The following EDIL3 variants were observed in gnomAD, a reference collection of about 807,000 sequenced individuals.
EDIL3 encodes EGF like and discoidin domains 3.
A neutral mutation model predicts 67.4 loss-of-function variants in EDIL3; 37 were observed. The ratio of observed to expected loss-of-function variants is 0.55; its 90% CI spans 0.42 to 0.72. The LOEUF is 0.72. EDIL3 is among the 30% of genes least tolerant of loss of function. The pLI, the probability that EDIL3 is intolerant of heterozygous loss-of-function variation, is 0.00. For missense variants in EDIL3, 527 were observed against 586.3 expected, an observed-to-expected ratio of 0.90 and a Z score of 1.04; for synonymous variants, 195 against 196.3, an observed-to-expected ratio of 0.99 and a Z score of 0.05.
intron 4 of EDIL3, among the ~76,000 whole-genome samples, chr5:84,160,591 A>C (rs943422044): frequency 6.6e-6 from 1 of 152,064 alleles, no homozygotes; most frequent in African/African-American, 2.4e-5. Flanking sequence ...CTGCACGTGA[A>C]GCAGTTTTTA....
At chr5:84,300,497 A>T (rs1040678412) in intron 1 of EDIL3, among the ~76,000 whole-genome samples, 1 of 152,220 alleles carries the variant, frequency 6.6e-6, no homozygotes, top group African/African-American at 2.4e-5. Context: ...TGCCTACCAC[A>T]TCTACTATCA....
chr5:84,326,824 T>C (rs933045475), intron 1 of EDIL3, among the ~76,000 whole-genome samples: 8 of 151,966 alleles, frequency 5.3e-5, no homozygotes, highest in African/African-American at 1.9e-4. Flanking sequence ...CATTCTCTCT[T>C]TGAGAAAATA....
chr5:84,074,585 G>C (rs374956791), intron 6 of EDIL3, among the ~76,000 whole-genome samples: 1 of 151,726 alleles, frequency 6.6e-6, no homozygotes. Context: ...GCAGCCAAAA[G>C]ACACATGAAA....
intron 9 of EDIL3, among the ~76,000 whole-genome samples, chr5:84,038,518 G>C (rs998811043): frequency 1.3e-5 from 2 of 152,218 alleles, no homozygotes; most frequent in African/African-American, 4.8e-5. Flanking sequence ...GTGGCCAGCA[G>C]ATGCCTGACT....
At chr5:84,348,614 G>T (rs1223213808) in intron 1 of EDIL3, among the ~76,000 whole-genome samples, 4 of 145,520 alleles carry the variant, frequency 2.7e-5, no homozygotes, top group African/African-American at 2.5e-5. Flanking sequence ...AAAAACACCT[G>T]TTCGAAAATA....
chr5:84,252,493 C>CAAAAAAAAAAAAAAAAAAAA (rs70975548), intron 2 of EDIL3, among the ~76,000 whole-genome samples: 825 of 28,930 alleles, frequency 0.029, 201 homozygotes, highest in East Asian at 0.052. Flanking sequence ...GACTCCGTCT[C>CAAAAAAAAAAAAAAAAAAAA]AAAAAAAAAA....
At chr5:84,223,654 T>C (rs938560149) in intron 3 of EDIL3, among the ~76,000 whole-genome samples, 2 of 151,542 alleles carry the variant, frequency 1.3e-5, no homozygotes, top group African/African-American at 2.4e-5. Context: ...AGTCAAATGG[T>C]ACAAAGTTCT....
At chr5:84,373,931 G>T (rs140866435) in intron 1 of EDIL3, among the ~76,000 whole-genome samples, 252 of 152,242 alleles carry the variant, frequency 1.7e-3, no homozygotes, top group African/African-American at 5.6e-3. Flanking sequence ...TTAATGTTGG[G>T]ATCTTCCAGG....
At chr5:84,115,903 A>C (rs1256655252) in intron 5 of EDIL3, among the ~76,000 whole-genome samples, 1 of 152,232 alleles carries the variant, frequency 6.6e-6, no homozygotes. Flanking sequence ...ACATCCATAC[A>C]GTGCTTGTAG....
At chr5:84,087,780 T>A (rs1747097985) in intron 6 of EDIL3, among the ~76,000 whole-genome samples, 2 of 152,172 alleles carry the variant, frequency 1.3e-5, no homozygotes, top group Admixed American at 6.5e-5. Flanking sequence ...TATATTAGAA[T>A]GGAATCTAGT....
chr5:84,053,553 G>A (rs1746381868), intron 9 of EDIL3, among the ~76,000 whole-genome samples: 1 of 152,100 alleles, frequency 6.6e-6, no homozygotes, highest in Non-Finnish European at 1.5e-5. Flanking sequence ...AAAATTGATA[G>A]ACCGCTAGCA....
chr5:84,149,936 G>A (rs1410679163), intron 4 of EDIL3, among the ~76,000 whole-genome samples: 2 of 152,008 alleles, frequency 1.3e-5, no homozygotes, highest in Admixed American at 6.6e-5. Context: ...AAAAAAATCT[G>A]GGCATCAGTG....
intron 9 of EDIL3, among the ~76,000 whole-genome samples, chr5:84,000,404 G>A (rs535234347): frequency 1.1e-4 from 16 of 152,188 alleles, no homozygotes; most frequent in African/African-American, 1.9e-4. Context: ...GTGAAAAAGC[G>A]GGGGATAAAG....
At chr5:84,152,803 C>A (rs1256764175) in intron 4 of EDIL3, among the ~76,000 whole-genome samples, 1 of 152,102 alleles carries the variant, frequency 6.6e-6, no homozygotes, top group African/African-American at 2.4e-5. Flanking sequence ...AAACTATAAT[C>A]CATCCTTGAG....
At chr5:83,953,066 T>G (rs753279863) in intron 10 of EDIL3, among the ~76,000 whole-genome samples, 3 of 151,786 alleles carry the variant, frequency 2.0e-5, no homozygotes, top group Non-Finnish European at 2.9e-5. Flanking sequence ...AGCGTAAGCA[T>G]GTATTGCCTA....
intron 1 of EDIL3, 30 bp from the exon 2 acceptor site, chr5:84,254,242 A>AT (rs111238659): frequency 0.11 from 156,046 of 1,401,808 alleles, 3,400 homozygotes; most frequent in Middle Eastern, 0.15. Context: ...CGAAATTGAC[A>AT]TTTTTTTTTT....
At chr5:84,246,625 G>A in intron 2 of EDIL3, among the ~76,000 whole-genome samples, 1 of 152,088 alleles carries the variant, frequency 6.6e-6, no homozygotes. Context: ...TTTCTTAATG[G>A]GTCATTGTCT....
chr5:84,016,727 C>G (rs1285527610), intron 9 of EDIL3, among the ~76,000 whole-genome samples: 1 of 152,160 alleles, frequency 6.6e-6, no homozygotes, highest in African/African-American at 2.4e-5. Context: ...GCCTCATTCT[C>G]AAGGGATTTC....
chr5:83,970,706 C>A (rs1178479127), intron 9 of EDIL3, among the ~76,000 whole-genome samples: 1 of 136,980 alleles, frequency 7.3e-6, no homozygotes, highest in Admixed American at 7.3e-5. Context: ...ATTTTTTCAA[C>A]ACTATTTGTT....
Sources: gnomAD v4.1 joint callset for allele counts (sites outside exome capture counted in the v4.1 genomes callset) on GRCh38, gnomAD v4.1.1 for gene constraint, MANE v1.5 for transcripts, NCBI Gene and HGNC (gene_info 2026-07-23, HGNC 2026-07-21) for gene names.